ITGB2: variants seen among roughly 807,000 people sequenced by gnomAD.
The protein encoded by ITGB2 is integrin beta-2.
In ITGB2, 56 loss-of-function variants were observed where a neutral mutation model predicts 86.8. The ratio of observed to expected loss-of-function variants is 0.65; its 90% CI spans 0.52 to 0.81. ITGB2 has a LOEUF of 0.81. ITGB2 is among the 30% of genes least tolerant of loss of function. The pLI is 0.00. For synonymous variants in ITGB2, 457 were observed against 450.4 expected (o/e 1.01, Z -0.19); for missense variants, 948 against 1,061.2 (o/e 0.89, Z 1.48).
intron 8 of ITGB2, among the ~76,000 whole-genome samples, chr21:44,895,715 C>A (rs1401308836): frequency 6.6e-6 from 1 of 151,548 alleles, no homozygotes; most frequent in Non-Finnish European, 1.5e-5. Flanking sequence ...GTGGTGGGCA[C>A]CTGTAAGCCC....
intron 5 of ITGB2, among the ~76,000 whole-genome samples, chr21:44,902,006 A>C (rs889495632): frequency 6.6e-6 from 1 of 152,348 alleles, no homozygotes; most frequent in Non-Finnish European, 1.5e-5. Context: ...GTGTGTGACC[A>C]GGTATACATG....
At position 44,907,083 on chromosome 21, in the gene ITGB2, G is replaced by A; in HGVS notation, c.160C>T (p.Pro54Ser). Residue 54 changes from proline to serine, a missense_variant, in exon 4 of 16, where the codon CCG becomes TCG. Pro to Ser is a moderately conservative substitution (Grantham distance 74). Coordinates refer to ENST00000652462, the MANE Select transcript of ITGB2 (RefSeq NM_000211.5). ...TWCQKLNFTG[P>S]GDPDSIRCDT... ...CAGCGAATGGAGTCAGGATCCCCCG[G>A]CCCTGTGAAGTTCTGGGGAGGGGGA... The A allele has an allele frequency of 6.2e-7, 1 of 1,602,384 alleles. No homozygotes were observed. The highest frequency in any genetic ancestry group is 8.5e-7 in the Non-Finnish European group (1 of 1,172,046).
At chr21:44,900,910 G>A (rs765865990) in intron 6 of ITGB2, among the ~76,000 whole-genome samples, 3 of 152,232 alleles carry the variant, frequency 2.0e-5, no homozygotes, top group South Asian at 2.1e-4. Flanking sequence ...GCGCATGTGG[G>A]GGCCGTGCGT....
chr21:44,916,774 A>C (rs2084217402), intron 1 of ITGB2, among the ~76,000 whole-genome samples: 3 of 151,264 alleles, frequency 2.0e-5, no homozygotes, highest in Admixed American at 2.0e-4. Flanking sequence ...AGGCTGAGGC[A>C]GGAGAATCAC....
At chr21:44,916,453 G>A (rs890806758) in intron 1 of ITGB2, among the ~76,000 whole-genome samples, 1 of 152,140 alleles carries the variant, frequency 6.6e-6, no homozygotes, top group Non-Finnish European at 1.5e-5. Flanking sequence ...CCGAGGCCCC[G>A]GACACTCTTG....
chr21:44,918,225 G>A (rs1227221575), intron 1 of ITGB2, among the ~76,000 whole-genome samples: 1 of 152,224 alleles, frequency 6.6e-6, no homozygotes, highest in Non-Finnish European at 1.5e-5. Flanking sequence ...CCGGGAACGG[G>A]AGCCAGCCTC....
chr21:44,892,604 C>CAAAAAAAAAAAA (rs11327948), intron 10 of ITGB2, among the ~76,000 whole-genome samples: 2 of 71,148 alleles, frequency 2.8e-5, no homozygotes, highest in Middle Eastern at 0.01. Flanking sequence ...AACTCCATCT[C>CAAAAAAAAAAAA]AAAAAAAAAA....
chr21:44,887,077 G>C (rs2146492095), intron 14 of ITGB2, among the ~76,000 whole-genome samples, 175 bp from the exon 15 acceptor site: 1 of 152,326 alleles, frequency 6.6e-6, no homozygotes, highest in African/African-American at 2.4e-5. Flanking sequence ...CCCAGCCCCT[G>C]CTGGATTCCA....
At chr21:44,892,076 C>T in intron 10 of ITGB2, 80 bp from the exon 11 acceptor site, 3 of 1,422,260 alleles carry the variant, frequency 2.1e-6, no homozygotes, top group Non-Finnish European at 2.9e-6. Context: ...ACCTCCTGGC[C>T]TCTGCAGGGG....
chr21:44,910,418 G>C (rs765885550), intron 2 of ITGB2, 46 bp from the exon 3 acceptor site: 2 of 1,613,200 alleles, frequency 1.2e-6, no homozygotes, highest in South Asian at 2.2e-5. Flanking sequence ...GGGCCGCCCT[G>C]CCCACACCCA....
At chr21:44,893,605 G>A in intron 9 of ITGB2, 61 bp from the exon 10 acceptor site, 2 of 1,606,232 alleles carry the variant, frequency 1.2e-6, no homozygotes, top group Non-Finnish European at 1.7e-6. Flanking sequence ...GCCCTGCCTG[G>A]CCCAGCGGTT....
intron 2 of ITGB2, 172 bp downstream of exon 2, chr21:44,910,553 A>G (rs1331271008): frequency 1.4e-6 from 2 of 1,417,266 alleles, no homozygotes; most frequent in Admixed American, 3.9e-5. Flanking sequence ...CAGCACAGCT[A>G]CAGCCTCCTG....
At chr21:44,895,204 T>C in intron 8 of ITGB2, 144 bp from the exon 9 acceptor site, 1 of 709,044 alleles carries the variant, frequency 1.4e-6, no homozygotes, top group Non-Finnish European at 2.6e-6. Context: ...CCCCAGAGTG[T>C]GTGGTCAGTG....
intron 8 of ITGB2, among the ~76,000 whole-genome samples, chr21:44,898,799 C>T (rs1286639932): frequency 1.3e-5 from 2 of 152,204 alleles, no homozygotes; most frequent in Non-Finnish European, 2.9e-5. Flanking sequence ...CAGGAAAAAA[C>T]AGAAATATCA....
At chr21:44,899,820 T>C (rs975073916) in intron 7 of ITGB2, among the ~76,000 whole-genome samples, 2 of 152,212 alleles carry the variant, frequency 1.3e-5, no homozygotes, top group African/African-American at 4.8e-5. Context: ...CCTCCCTGCA[T>C]GTTCCTCATG....
chr21:44,898,347 C>T (rs1240727825), intron 8 of ITGB2, among the ~76,000 whole-genome samples: 1 of 152,216 alleles, frequency 6.6e-6, no homozygotes, highest in Non-Finnish European at 1.5e-5. Flanking sequence ...CTCCTGTGCA[C>T]CTTTGACCTT....
intron 12 of ITGB2, 47 bp from the exon 13 acceptor site, chr21:44,889,542 C>G (rs139358707): frequency 1.3e-6 from 2 of 1,505,878 alleles, no homozygotes; most frequent in South Asian, 1.2e-5. Context: ...GCCTGGGAAC[C>G]GAGACCCGCC....
intron 10 of ITGB2, among the ~76,000 whole-genome samples, chr21:44,892,441 G>A (rs1246049837): frequency 6.6e-6 from 1 of 152,088 alleles, no homozygotes; most frequent in South Asian, 2.1e-4. Context: ...CCAACATGGC[G>A]AAACTCTGTC....
chr21:44,894,698 C>T (rs2083838593), intron 9 of ITGB2: 4 of 494,088 alleles, frequency 8.1e-6, no homozygotes, highest in South Asian at 4.0e-5. Flanking sequence ...CATAGAGACC[C>T]GCAGAGAAGA....
Sources: gnomAD v4.1 joint callset for allele counts (sites outside exome capture counted in the v4.1 genomes callset) on GRCh38, gnomAD v4.1.1 for gene constraint, MANE v1.5 for transcripts, NCBI Gene and HGNC (gene_info 2026-07-23, HGNC 2026-07-21) for gene names.